CBFA2T2: variants seen among roughly 807,000 people sequenced by gnomAD.
The protein encoded by CBFA2T2 is protein CBFA2T2.
In CBFA2T2, 11 loss-of-function variants were observed where a neutral mutation model predicts 62.2. The ratio of observed to expected loss-of-function variants is 0.18; its 90% CI spans 0.11 to 0.29. CBFA2T2 has a LOEUF of 0.29. Among genes scored for constraint, CBFA2T2 ranks in the 10% least tolerant of loss-of-function variants. The probability of loss-of-function intolerance (pLI) is 1.00; values close to 1 mark genes in which losing one functional copy is unlikely to be tolerated. For missense variants in CBFA2T2, 592 were observed against 774.1 expected (o/e 0.76, Z 2.79); for synonymous variants, 295 against 287.5 (o/e 1.03, Z -0.27).
chr20:33,600,112 T>C (rs2122266695), intron 1 of CBFA2T2, among the ~76,000 whole-genome samples: 1 of 151,578 alleles, frequency 6.6e-6, no homozygotes, highest in East Asian at 2.0e-4. Flanking sequence ...TTTATAAGGC[T>C]ATAAATGTAA....
intron 1 of CBFA2T2, among the ~76,000 whole-genome samples, chr20:33,553,839 G>A (rs1037262920): frequency 6.6e-6 from 1 of 152,178 alleles, no homozygotes; most frequent in Middle Eastern, 3.4e-3. Context: ...TATGGTAGAT[G>A]TTAAAGAGGT....
At chr20:33,535,242 A>G (rs1280421442) in intron 1 of CBFA2T2, among the ~76,000 whole-genome samples, 1 of 152,214 alleles carries the variant, frequency 6.6e-6, no homozygotes, top group Non-Finnish European at 1.5e-5. Context: ...GCCCACAGAC[A>G]TGTTTAGTTG....
intron 1 of CBFA2T2, among the ~76,000 whole-genome samples, chr20:33,580,127 T>C (rs998766657): frequency 6.6e-6 from 1 of 152,160 alleles, no homozygotes; most frequent in Non-Finnish European, 1.5e-5. Flanking sequence ...TCTTTTTTCT[T>C]TTTTTAATCT....
At chr20:33,536,272 A>T (rs1363606918) in intron 1 of CBFA2T2, among the ~76,000 whole-genome samples, 3 of 136,910 alleles carry the variant, frequency 2.2e-5, no homozygotes, top group African/African-American at 8.0e-5. Flanking sequence ...CTCATCTCCC[A>T]GACGGGGCGG....
chr20:33,641,662 C>T (rs1246102817), intron 10 of CBFA2T2, among the ~76,000 whole-genome samples: 3 of 152,168 alleles, frequency 2.0e-5, no homozygotes, highest in Non-Finnish European at 4.4e-5. Context: ...CGGCTCACCG[C>T]AACCTCTACC....
intron 1 of CBFA2T2, among the ~76,000 whole-genome samples, chr20:33,503,499 C>T (rs1012455711): frequency 1.3e-5 from 2 of 152,010 alleles, no homozygotes; most frequent in African/African-American, 2.4e-5. Context: ...GTGATCCGCC[C>T]GCCTCGGCCT....
intron 1 of CBFA2T2, among the ~76,000 whole-genome samples, chr20:33,579,820 T>G (rs1303779569): frequency 6.7e-6 from 1 of 149,684 alleles, no homozygotes; most frequent in Admixed American, 6.7e-5. Context: ...TCTCTCTCTT[T>G]TTTTTTTTTT....
intron 7 of CBFA2T2, among the ~76,000 whole-genome samples, chr20:33,629,376 C>T (rs2016366064): frequency 6.6e-6 from 1 of 152,200 alleles, no homozygotes; most frequent in South Asian, 2.1e-4. Context: ...TTTTATGGTT[C>T]AGCCACAGCA....
intron 3 of CBFA2T2, among the ~76,000 whole-genome samples, chr20:33,612,246 G>A (rs2015557967): frequency 6.6e-6 from 1 of 152,072 alleles, no homozygotes; most frequent in Non-Finnish European, 1.5e-5. Context: ...ACCTGGGTGG[G>A]GTTTTATTCT....
intron 3 of CBFA2T2, among the ~76,000 whole-genome samples, chr20:33,613,031 C>G (rs2015583847): frequency 6.6e-6 from 1 of 152,308 alleles, no homozygotes; most frequent in East Asian, 1.9e-4. Context: ...ATGTTTGCAC[C>G]ACTGCACTTC....
chr20:33,596,847 C>T (rs1298082521), intron 1 of CBFA2T2, among the ~76,000 whole-genome samples: 1 of 151,948 alleles, frequency 6.6e-6, no homozygotes, highest in Non-Finnish European at 1.5e-5. Flanking sequence ...CCAGTTCCTC[C>T]TTCTTAGTAA....
At chr20:33,606,815 G>A (rs1264675506) in intron 1 of CBFA2T2, 141 bp from the exon 2 acceptor site, 31 of 699,872 alleles carry the variant, frequency 4.4e-5, no homozygotes, top group Non-Finnish European at 4.8e-6. Flanking sequence ...ATGTTGGGAT[G>A]TGGACATATC....
At chr20:33,638,747 G>A (rs73259834) in intron 9 of CBFA2T2, 29 of 152,286 alleles carry the variant, frequency 1.9e-4, no homozygotes, top group Admixed American at 5.9e-4. Context: ...ACGTATTTTG[G>A]GACTTCACAT....
chr20:33,601,841 G>A (rs181163805), intron 1 of CBFA2T2: 2 of 148,244 alleles, frequency 1.3e-5, no homozygotes, highest in East Asian at 4.0e-4. Flanking sequence ...GTCTCACCCT[G>A]TCACTCAGGC....
intron 10 of CBFA2T2, 107 bp from the exon 11 acceptor site, chr20:33,644,240 A>C: frequency 7.7e-7 from 1 of 1,298,300 alleles, no homozygotes; most frequent in Admixed American, 2.2e-5. Flanking sequence ...ATGTAGTTCC[A>C]AAGCTGGGGT....
At chr20:33,623,986 CAAAA>C (rs1004126995) in intron 5 of CBFA2T2, 3 of 534,686 alleles carry the variant, frequency 5.6e-6, no homozygotes, top group Admixed American at 3.7e-5. Flanking sequence ...AAAGAAAAAA[CAAAA>C]AAAAAGAAAT....
chr20:33,492,936 A>G (rs1480043442), intron 1 of CBFA2T2, among the ~76,000 whole-genome samples: 1 of 150,866 alleles, frequency 6.6e-6, no homozygotes, highest in Non-Finnish European at 1.5e-5. Context: ...TTTTTTTTGT[A>G]TTTTTTGTAG....
At chr20:33,560,653 A>G (rs184978877) in intron 1 of CBFA2T2, among the ~76,000 whole-genome samples, 5 of 152,346 alleles carry the variant, frequency 3.3e-5, no homozygotes, top group Admixed American at 1.3e-4. Context: ...AAAAATTGCC[A>G]TGACAGAAAT....
intron 1 of CBFA2T2, among the ~76,000 whole-genome samples, chr20:33,530,368 G>A (rs114433360): frequency 1.6e-4 from 25 of 152,214 alleles, no homozygotes; most frequent in Non-Finnish European, 2.8e-4. Context: ...GGCATTCCAC[G>A]TAGGAGTCCA....
Sources: allele counts gnomAD v4.1 joint callset (sites outside exome capture counted in the v4.1 genomes callset), GRCh38; gene constraint gnomAD v4.1.1; transcripts MANE v1.5; gene names NCBI Gene and HGNC (gene_info 2026-07-23, HGNC 2026-07-21).